The following NDEL1 variants were observed in gnomAD, a reference collection of about 807,000 sequenced individuals.
NDEL1 encodes nuclear distribution protein nudE-like 1.
A neutral mutation model predicts 45.7 loss-of-function variants in NDEL1; 9 were observed. The observed-to-expected ratio is 0.20, with a 90% CI of 0.12 to 0.34. The LOEUF (loss-of-function observed/expected upper bound fraction) is 0.34. NDEL1 is among the 10% of genes least tolerant of loss of function. The pLI, the probability that NDEL1 is intolerant of heterozygous loss-of-function variation, is 1.00. For synonymous variants in NDEL1, 133 were observed against 158.6 expected (o/e 0.84, Z 1.21); for missense variants, 306 against 406.2 (o/e 0.75, Z 2.12).
At chr17:8,446,677 C>A in intron 3 of NDEL1, 77 bp from the exon 4 acceptor site, 1 of 1,502,024 alleles carries the variant, frequency 6.7e-7, no homozygotes. Context: ...CCCCCCCACC[C>A]TTTTAACTTG....
rs1045817508 is a variant in NDEL1, at chr17:8,467,233, C to T, written c.*210C>T. On this transcript the variant is annotated 3_prime_UTR_variant, in exon 9 of 9. Transcript: ENST00000334527. The surrounding 1 kb of genome is among the most constrained non-coding windows in gnomAD (Gnocchi z 6.3). ...AATACTGGCTATTTTCTCTTCTCGC[C>T]GTAGTGCCGTTGGTTTCACATGATT... 1.3e-5 allele frequency: 8 copies of T among 593,052 alleles called. No individual in the cohort carries two copies. The highest frequency in any genetic ancestry group is 1.3e-4 in the Admixed American group (4 of 31,802). The allele number at this position is 593,052 out of a possible 1,614,324, so 36.7% of individuals were successfully genotyped here.
At chr17:8,414,332 A>C (rs1908492346) in intron 1 of NDEL1, among the ~76,000 whole-genome samples, 1 of 152,180 alleles carries the variant, frequency 6.6e-6, no homozygotes, top group African/African-American at 2.4e-5. Context: ...AAGGTTGTAC[A>C]TATATTTAGT....
At chr17:8,428,323 G>GTGTGT in intron 1 of NDEL1, among the ~76,000 whole-genome samples, 1 of 62,054 alleles carries the variant, frequency 1.6e-5, no homozygotes, top group East Asian at 4.2e-4. Context: ...AAGTGTGTGT[G>GTGTGT]GTGTGTGTGT....
chr17:8,452,247 C>T (rs759926997), intron 6 of NDEL1, among the ~76,000 whole-genome samples: 10 of 152,196 alleles, frequency 6.6e-5, no homozygotes, highest in Non-Finnish European at 1.3e-4. Flanking sequence ...TTTTATGTTA[C>T]TGATTAGAAT....
chr17:8,447,166 A>G (rs939752076), intron 4 of NDEL1, among the ~76,000 whole-genome samples: 3 of 152,164 alleles, frequency 2.0e-5, no homozygotes, highest in Non-Finnish European at 4.4e-5. Context: ...TTTTTGAGAC[A>G]GGGTCTCACA....
chr17:8,432,359 A>ATT (rs1567722422), upstream of NDEL1, among the ~76,000 whole-genome samples: 4 of 59,804 alleles, frequency 6.7e-5, no homozygotes, highest in Admixed American at 2.8e-4. Context: ...TATAAATATA[A>ATT]ATATATATAT....
chr17:8,448,973 A>G (rs750730855), intron 5 of NDEL1, among the ~76,000 whole-genome samples: 1 of 152,318 alleles, frequency 6.6e-6, no homozygotes, highest in South Asian at 2.1e-4. Context: ...TCCCTATGCC[A>G]GAAGAAGCTT....
intron 1 of NDEL1, among the ~76,000 whole-genome samples, chr17:8,443,586 G>A (rs1012927020): frequency 2.0e-5 from 3 of 152,094 alleles, no homozygotes; most frequent in Admixed American, 1.3e-4. Flanking sequence ...GTTGGGAGTT[G>A]TAGGTAGCCA....
chr17:8,463,785 C>T (rs1378107459), intron 8 of NDEL1, among the ~76,000 whole-genome samples: 7 of 152,212 alleles, frequency 4.6e-5, no homozygotes, highest in African/African-American at 9.7e-5. Context: ...CTCACCTCTG[C>T]GCTCACGCAT....
At chr17:8,452,926 A>G (rs1350072626) in intron 6 of NDEL1, among the ~76,000 whole-genome samples, 2 of 151,688 alleles carry the variant, frequency 1.3e-5, no homozygotes, top group African/African-American at 2.4e-5. Flanking sequence ...TTTAGTAGAA[A>G]TGGGGTTTCA....
downstream of NDEL1, among the ~76,000 whole-genome samples, chr17:8,473,133 G>A (rs1302302523): frequency 6.6e-6 from 1 of 152,160 alleles, no homozygotes; most frequent in Non-Finnish European, 1.5e-5. Flanking sequence ...CTGGCACGCT[G>A]AGTAGTTGGG....
chr17:8,434,608 G>A (rs553719718), upstream of NDEL1, among the ~76,000 whole-genome samples: 1 of 152,166 alleles, frequency 6.6e-6, no homozygotes, highest in Non-Finnish European at 1.5e-5. Flanking sequence ...TTTTTAAAAT[G>A]TATCTCTTCC....
intron 6 of NDEL1, among the ~76,000 whole-genome samples, chr17:8,452,489 G>A (rs528201992): frequency 6.6e-6 from 1 of 152,224 alleles, no homozygotes; most frequent in East Asian, 1.9e-4. Context: ...GGAACCAATA[G>A]CATGAATTTT....
rs1362295846 is a variant in NDEL1, at chr17:8,459,155, T to C, written c.793-854T>C. Among the ~76,000 whole-genome samples, 3 of 152,350 alleles carry C rather than the reference T, an allele frequency of 2.0e-5. No individual in the cohort carries two copies. The East Asian group carries it at 5.8e-4, about 29-fold the overall frequency. ...GCTGTGCATTCCCAGTCCTTTACTG[T>C]CATGGATAATAGACATGAATTGTGT... On this transcript the variant is annotated intron_variant, in intron 7 of 8. Coordinates refer to ENST00000334527, the MANE Select transcript of NDEL1 (RefSeq NM_030808.5).
intron 1 of NDEL1, among the ~76,000 whole-genome samples, chr17:8,441,210 G>A (rs1909711151): frequency 6.6e-6 from 1 of 152,156 alleles, no homozygotes; most frequent in Non-Finnish European, 1.5e-5. Context: ...TAATCTAGGG[G>A]CAATACAAAG....
downstream of NDEL1, among the ~76,000 whole-genome samples, chr17:8,471,665 T>C (rs1376587920): frequency 1.3e-5 from 2 of 152,250 alleles, no homozygotes; most frequent in Non-Finnish European, 2.9e-5. Flanking sequence ...GCTTACAGGC[T>C]CTGTAGCTAT....
At chr17:8,440,143 G>A (rs543091016) in intron 1 of NDEL1, among the ~76,000 whole-genome samples, 6 of 152,186 alleles carry the variant, frequency 3.9e-5, no homozygotes, top group Non-Finnish European at 8.8e-5. Context: ...TGTTAGAGGG[G>A]CCAATAAGCG....
chr17:8,443,212 A>C (rs2151713811), intron 1 of NDEL1, among the ~76,000 whole-genome samples: 1 of 152,374 alleles, frequency 6.6e-6, no homozygotes, highest in Middle Eastern at 3.4e-3. Context: ...GACGGAAATA[A>C]GTAAGCCAGC....
At chr17:8,426,913 C>T (rs537459267) in intron 1 of NDEL1, among the ~76,000 whole-genome samples, 16 of 152,244 alleles carry the variant, frequency 1.1e-4, no homozygotes, top group Non-Finnish European at 1.3e-4. Context: ...CTGTTTCAGC[C>T]GCAACCTAAA....
Sources: gnomAD v4.1 joint callset for allele counts (sites outside exome capture counted in the v4.1 genomes callset) on GRCh38, gnomAD v4.1.1 for gene constraint, Gnocchi (gnomAD v3.1) non-coding constraint, MANE v1.5 for transcripts, NCBI Gene and HGNC (gene_info 2026-07-23, HGNC 2026-07-21) for gene names.